The following PCDHGA4 variants were observed in gnomAD, a reference collection of about 807,000 sequenced individuals.
The protein encoded by PCDHGA4 is protocadherin gamma-A4.
A neutral mutation model predicts 54.6 loss-of-function variants in PCDHGA4; 38 were observed. The ratio of observed to expected loss-of-function variants is 0.70; its 90% CI spans 0.54 to 0.91. The LOEUF (loss-of-function observed/expected upper bound fraction) is 0.91, where lower values mean the gene tolerates loss of function less well. Among genes scored for constraint, PCDHGA4 ranks in the 40% least tolerant of loss-of-function variants. The probability of loss-of-function intolerance (pLI) is 0.00; values close to 1 mark genes in which losing one functional copy is unlikely to be tolerated. For missense variants in PCDHGA4, 1,298 were observed against 1,220.9 expected (o/e 1.06, Z -0.94); for synonymous variants, 511 against 512.9 (o/e 1.00, Z 0.05).
intron 1 of PCDHGA4, among the ~76,000 whole-genome samples, chr5:141,444,714 CTTGGTGCCT>C (rs2098445168): frequency 6.6e-6 from 1 of 152,122 alleles, no homozygotes; most frequent in Non-Finnish European, 1.5e-5. Context: ...GTTGAATTTG[CTTGGTGCCT>C]TTGTTGAAAG....
In PCDHGA4 at chr5:141,432,365, G is replaced by A. The variant is rs1561860587; in HGVS notation, c.2515-62442G>A. The A allele has an allele frequency of 6.2e-7, 1 of 1,614,224 alleles. No homozygotes were observed. The highest frequency in any genetic ancestry group is 2.2e-5 in the East Asian group (1 of 44,882). ...CTTGCAAGTGAAAGTGATGGCGCGG[G>A]ACAACGGGCACCCGCCCCTCAGCAG... On this transcript the variant is annotated intron_variant, in intron 1 of 3. Transcript: ENST00000571252. The surrounding 1 kb of genome is among the most constrained non-coding windows in gnomAD (Gnocchi z 6.0).
intron 1 of PCDHGA4, among the ~76,000 whole-genome samples, chr5:141,425,778 C>G (rs2096893107): frequency 6.6e-6 from 1 of 152,160 alleles, no homozygotes; most frequent in African/African-American, 2.4e-5. Flanking sequence ...AAGACTTTGC[C>G]TAGTTCTTCC....
At chr5:141,497,060 G>T (rs1244885752) in intron 2 of PCDHGA4, among the ~76,000 whole-genome samples, 1 of 151,952 alleles carries the variant, frequency 6.6e-6, no homozygotes, top group Non-Finnish European at 1.5e-5. Context: ...GTGGTGGCAG[G>T]CACCTGTAAT....
At position 141,437,305 on chromosome 5, in the gene PCDHGA4, G is replaced by A. The variant is rs369317069; in HGVS notation, c.2515-57502G>A. On this transcript the variant is annotated intron_variant, in intron 1 of 3. Transcript: ENST00000571252. ...TATCCATTTCATCTAACAAGTTAAA[G>A]CGTTCAGCTATAATTTAAAATTTGT... 1.8e-4 allele frequency among the ~76,000 whole-genome samples: 28 copies of A among 152,266 alleles called. No homozygotes were observed. In the South Asian group the frequency reaches 4.8e-3, roughly 26 times the overall value.
At position 141,477,795 on chromosome 5, in the gene PCDHGA4, G is replaced by T. The variant is rs778851755; in HGVS notation, c.2515-17012G>T. The T allele has an allele frequency of 1.2e-5, 19 of 1,613,946 alleles. 1 individual carries two copies. In the South Asian group the frequency reaches 1.6e-4, roughly 14 times the overall value. On this transcript the variant is annotated intron_variant, in intron 1 of 3. Transcript: ENST00000571252. The surrounding 1 kb of genome is among the most constrained non-coding windows in gnomAD (Gnocchi z 4.9). ...AGCGTGAACATATTTGTCACTGATC[G>T]CAATGACAATGCCCCCCAGGTCCTA...
At chr5:141,438,749 C>T (rs1238134451) in intron 1 of PCDHGA4, among the ~76,000 whole-genome samples, 3 of 149,226 alleles carry the variant, frequency 2.0e-5, no homozygotes, top group African/African-American at 4.9e-5. Context: ...GCAACCTCTG[C>T]CTCCTGGGTT....
intron 1 of PCDHGA4, chr5:141,393,401 G>C: frequency 6.2e-7 from 1 of 1,614,036 alleles, no homozygotes; most frequent in South Asian, 1.1e-5. Context: ...AGCTGGTGCT[G>C]GAGCGCGCCC....
Position 141,410,300 on chromosome 5 carries a change from T to A in PCDHGA4, c.2514+52679T>A, listed in dbSNP as rs1233506038. 4 of 1,614,022 alleles carry A rather than the reference T, an allele frequency of 2.5e-6. No individual in the cohort carries two copies. In the Admixed American group the frequency reaches 6.7e-5, roughly 27 times the overall value. ...CCTGGTGGTGGCCTTGGCCTTAATC[T>A]CAGTGCTCTTCCTCCTCGCCGTGAT... On this transcript the variant is annotated intron_variant, in intron 1 of 3. Coordinates refer to ENST00000571252, the MANE Select transcript of PCDHGA4 (RefSeq NM_018917.4).
chr5:141,360,028 A>G (rs941098912), intron 1 of PCDHGA4: 3 of 1,360,158 alleles, frequency 2.2e-6, no homozygotes, highest in Non-Finnish European at 2.9e-6. Context: ...AGGCCAGTAT[A>G]GATTCGGAAA....
At chr5:141,394,871 T>A in intron 1 of PCDHGA4, 1 of 1,613,814 alleles carries the variant, frequency 6.2e-7, no homozygotes, top group Non-Finnish European at 8.5e-7. Flanking sequence ...ACCCGAACGA[T>A]TCGAGCCTTA....
chr5:141,357,958 G>A (rs1332570049), intron 1 of PCDHGA4, among the ~76,000 whole-genome samples: 1 of 152,198 alleles, frequency 6.6e-6, no homozygotes, highest in African/African-American at 2.4e-5. Flanking sequence ...GGGAGTGTGA[G>A]GAGGACGGAT....
intron 1 of PCDHGA4, chr5:141,367,611 T>G (rs868477052): frequency 6.6e-6 from 1 of 152,038 alleles, no homozygotes; most frequent in Non-Finnish European, 1.5e-5. Flanking sequence ...AATGATAACA[T>G]GTAGCATTCT....
chr5:141,398,325 G>A, intron 1 of PCDHGA4: 9 of 1,355,732 alleles, frequency 6.6e-6, no homozygotes, highest in Non-Finnish European at 8.2e-6. Flanking sequence ...CTCGAAAACT[G>A]CGCGTCAGTT....
intron 1 of PCDHGA4, chr5:141,421,613 A>T (rs2096587756): frequency 6.2e-7 from 1 of 1,613,720 alleles, no homozygotes; most frequent in Admixed American, 1.7e-5. Context: ...GATATTAATG[A>T]TAACGCCCCC....
rs1297208780 is a variant in PCDHGA4 at position 141,486,613 on chromosome 5, T to C, written c.2515-8194T>C. 2 of 1,613,658 alleles carry C rather than the reference T, an allele frequency of 1.2e-6. No individual in the cohort carries two copies. The highest frequency in any genetic ancestry group is 2.7e-5 in the African/African-American group (2 of 75,074). On this transcript the variant is annotated intron_variant, in intron 1 of 3. Coordinates refer to ENST00000571252, the MANE Select transcript of PCDHGA4 (RefSeq NM_018917.4). The surrounding 1 kb of genome is among the most constrained non-coding windows in gnomAD (Gnocchi z 5.0). ...ACCTGCTTTGCTCCCTTGCAGCCTC[T>C]GACCCAGACTCTGGCTTGAATGCGC...
At chr5:141,417,007 C>A (rs1204390468) in intron 1 of PCDHGA4, 1 of 148,406 alleles carries the variant, frequency 6.7e-6, no homozygotes, top group Non-Finnish European at 1.5e-5. Flanking sequence ...TCAAATAATT[C>A]TATTATTTTG....
In PCDHGA4 at chr5:141,476,065, G is replaced by T; in HGVS notation, c.2515-18742G>T. ...GCTAACCCGCTGAAAGTTTCTCAGC[G>T]AAATCTCAGGGACGATCTGGACCCC... is the stretch of plus-strand genomic sequence containing the variant. On this transcript the variant is annotated intron_variant, in intron 1 of 3. Coordinates refer to ENST00000571252, the MANE Select transcript of PCDHGA4 (RefSeq NM_018917.4). This position sits in a 1 kb window ranked among gnomAD's most constrained non-coding sequence, Gnocchi z 7.6. 6.6e-7 allele frequency: 1 copy of T among 1,511,444 alleles called. No homozygotes were observed. The highest frequency in any genetic ancestry group is 1.3e-5 in the South Asian group (1 of 76,164). The allele number at this position is 1,511,444 out of a possible 1,614,324, so 93.6% of individuals were successfully genotyped here.
At chr5:141,423,398 G>T in intron 1 of PCDHGA4, 7 of 1,614,172 alleles carry the variant, frequency 4.3e-6, no homozygotes, top group Non-Finnish European at 5.9e-6. Flanking sequence ...CATAAGTCAC[G>T]CCTGCTGCAG....
chr5:141,415,514 C>G, intron 1 of PCDHGA4: 2 of 1,614,178 alleles, frequency 1.2e-6, no homozygotes, highest in Non-Finnish European at 8.5e-7. Flanking sequence ...CCCAATTATG[C>G]GGACACGCTC....
Sources: allele counts gnomAD v4.1 joint callset (sites outside exome capture counted in the v4.1 genomes callset), GRCh38; gene constraint gnomAD v4.1.1; non-coding constraint Gnocchi (gnomAD v3.1); transcripts MANE v1.5; gene names NCBI Gene and HGNC (gene_info 2026-07-23, HGNC 2026-07-21).